Variants in NMNAT2 observed in about 807,000 individuals in gnomAD.
NMNAT2 encodes the protein nicotinamide/nicotinic acid mononucleotide adenylyltransferase 2.
NMNAT2 carries 11 observed loss-of-function variants against 41.6 expected under a neutral mutation model. That is an observed-to-expected ratio of 0.26 (90% CI 0.17 to 0.44). NMNAT2 has a LOEUF of 0.44. NMNAT2 is among the 20% of genes least tolerant of loss of function. The pLI, the probability that NMNAT2 is intolerant of heterozygous loss-of-function variation, is 1.00. For missense variants in NMNAT2, 288 were observed against 407.7 expected (o/e 0.71, Z 2.53); for synonymous variants, 148 against 151.2 (o/e 0.98, Z 0.16).
At chr1:183,401,905 C>A (rs1435224878) in intron 1 of NMNAT2, among the ~76,000 whole-genome samples, 1 of 121,282 alleles carries the variant, frequency 8.2e-6, no homozygotes, top group African/African-American at 3.3e-5. Flanking sequence ...TCACACATGA[C>A]ATGGGGGCCT....
At chr1:183,387,285 T>G (rs1648274748) in intron 1 of NMNAT2, among the ~76,000 whole-genome samples, 1 of 151,826 alleles carries the variant, frequency 6.6e-6, no homozygotes. Context: ...TAATGACCCT[T>G]GATTTGGAAT....
chr1:183,400,989 A>G (rs994433255), intron 1 of NMNAT2, among the ~76,000 whole-genome samples: 1 of 152,244 alleles, frequency 6.6e-6, no homozygotes, highest in Non-Finnish European at 1.5e-5. Context: ...AATACCATTC[A>G]GGACATAGGC....
intron 1 of NMNAT2, among the ~76,000 whole-genome samples, chr1:183,296,361 T>C (rs908825528): frequency 2.0e-5 from 3 of 152,238 alleles, no homozygotes; most frequent in Non-Finnish European, 4.4e-5. Context: ...AGATTATGTT[T>C]AGCTTTTTAA....
intron 1 of NMNAT2, among the ~76,000 whole-genome samples, chr1:183,300,325 C>T (rs773045405): frequency 4.0e-5 from 6 of 151,880 alleles, no homozygotes; most frequent in Non-Finnish European, 7.4e-5. Context: ...TCACTTGAAC[C>T]CAGGAGACAG....
At chr1:183,406,178 T>C (rs1470888187) in intron 1 of NMNAT2, among the ~76,000 whole-genome samples, 1 of 152,184 alleles carries the variant, frequency 6.6e-6, no homozygotes, top group Non-Finnish European at 1.5e-5. Flanking sequence ...GAATGCAGTA[T>C]CATGAATTGA....
chr1:183,357,184 G>A (rs1327210362), intron 1 of NMNAT2, among the ~76,000 whole-genome samples: 2 of 151,316 alleles, frequency 1.3e-5, no homozygotes, highest in Non-Finnish European at 2.9e-5. Context: ...CCAGGCCAAC[G>A]GCTTTAGTGG....
intron 1 of NMNAT2, among the ~76,000 whole-genome samples, chr1:183,346,498 G>A (rs544824416): frequency 3.3e-5 from 5 of 152,122 alleles, no homozygotes; most frequent in Admixed American, 6.5e-5. Flanking sequence ...GGAGCCCCTC[G>A]TGCTGAAGTT....
At chr1:183,381,322 A>T (rs1264405782) in intron 1 of NMNAT2, among the ~76,000 whole-genome samples, 1 of 152,152 alleles carries the variant, frequency 6.6e-6, no homozygotes, top group African/African-American at 2.4e-5. Flanking sequence ...CATGGAAGTC[A>T]CTCCCTTTCC....
chr1:183,337,383 A>G (rs1340213565), intron 1 of NMNAT2, among the ~76,000 whole-genome samples: 2 of 152,062 alleles, frequency 1.3e-5, no homozygotes, highest in Non-Finnish European at 2.9e-5. Context: ...ACAACAACAA[A>G]TTTATCTCTT....
intron 1 of NMNAT2, among the ~76,000 whole-genome samples, chr1:183,383,266 G>C (rs933839757): frequency 6.6e-6 from 1 of 152,168 alleles, no homozygotes; most frequent in Non-Finnish European, 1.5e-5. Flanking sequence ...GGCAGCAGAG[G>C]CCTGGGCCCA....
At chr1:183,407,278 G>A (rs1648983778) in intron 1 of NMNAT2, among the ~76,000 whole-genome samples, 1 of 152,182 alleles carries the variant, frequency 6.6e-6, no homozygotes, top group Admixed American at 6.5e-5. Flanking sequence ...GGTTCCCACT[G>A]TGGATATCTG....
chr1:183,297,749 C>T (rs6672269), intron 1 of NMNAT2, among the ~76,000 whole-genome samples: 83,745 of 151,978 alleles, frequency 0.55, 24,389 homozygotes, highest in Non-Finnish European at 0.64. Context: ...CAGGCAAAGA[C>T]AGTACAAAGA....
At chr1:183,338,611 A>G (rs969798436) in intron 1 of NMNAT2, among the ~76,000 whole-genome samples, 2 of 152,188 alleles carry the variant, frequency 1.3e-5, no homozygotes, top group African/African-American at 4.8e-5. Flanking sequence ...AATGCGTATT[A>G]TTACTGTTGC....
At chr1:183,313,087 C>A (rs973677844) in intron 1 of NMNAT2, among the ~76,000 whole-genome samples, 5 of 152,088 alleles carry the variant, frequency 3.3e-5, no homozygotes, top group African/African-American at 1.2e-4. Flanking sequence ...CACTGCCAGC[C>A]CCCAGCCCCC....
chr1:183,311,257 A>T (rs1662112523), intron 1 of NMNAT2, among the ~76,000 whole-genome samples: 3 of 152,250 alleles, frequency 2.0e-5, no homozygotes, highest in South Asian at 4.1e-4. Flanking sequence ...GGATTTTGGA[A>T]CAAGCAGAGT....
chr1:183,385,368 A>G (rs1043370939), intron 1 of NMNAT2, among the ~76,000 whole-genome samples: 33 of 152,222 alleles, frequency 2.2e-4, no homozygotes, highest in African/African-American at 2.4e-5. Context: ...AAATTTCTGG[A>G]AAAATATTCA....
chr1:183,341,375 G>T (rs1307050392), intron 1 of NMNAT2, among the ~76,000 whole-genome samples: 1 of 151,772 alleles, frequency 6.6e-6, no homozygotes, highest in Non-Finnish European at 1.5e-5. Flanking sequence ...ATAAATGTTG[G>T]TTGTTGTTAA....
chr1:183,388,611 C>T lies in NMNAT2; in HGVS notation c.85+29572G>A, dbSNP rs2101919636. ...TGTTAAATGTTTGCAACCACTAGTC[C>T]TCAGTTCAATTATCTGTCTTTAATA... is the stretch of plus-strand genomic sequence containing the variant. On this transcript the variant is annotated intron_variant, in intron 1 of 10. Transcript: ENST00000287713. 2.0e-5 allele frequency among the ~76,000 whole-genome samples: 3 copies of T among 152,284 alleles called. No homozygotes were observed. The South Asian group carries it at 6.2e-4, about 32-fold the overall frequency.
Position 183,346,857 on chromosome 1 carries a change from G to A in NMNAT2, c.86-53064C>T, listed in dbSNP as rs186673862. Reference sequence around the variant, plus strand: ...GTGTAATTTTGACTTTTGACAGCCTGAACAGCCCTACACCCCATTTTTACC... The same window carrying A: ...GTGTAATTTTGACTTTTGACAGCCTAAACAGCCCTACACCCCATTTTTACC... On this transcript the variant is annotated intron_variant, in intron 1 of 10. Coordinates refer to ENST00000287713, the MANE Select transcript of NMNAT2 (RefSeq NM_015039.4). 1.0e-3 allele frequency among the ~76,000 whole-genome samples: 154 copies of A among 152,052 alleles called. 1 individual carries two copies. Among genetic ancestry groups the A allele is most frequent in the Middle Eastern group, 3.4e-3 (1 of 294 alleles).
Sources: allele counts gnomAD v4.1 joint callset (sites outside exome capture counted in the v4.1 genomes callset), GRCh38; gene constraint gnomAD v4.1.1; transcripts MANE v1.5; gene names NCBI Gene and HGNC (gene_info 2026-07-23, HGNC 2026-07-21).